Variants in CDC37L1 observed in about 807,000 individuals in gnomAD.
The protein encoded by CDC37L1 is hsp90 co-chaperone Cdc37-like 1.
A neutral mutation model predicts 45.9 loss-of-function variants in CDC37L1; 32 were observed. The observed-to-expected ratio is 0.70, with a 90% CI of 0.53 to 0.94. The LOEUF is 0.94. Ranked by LOEUF, CDC37L1 falls within the 40% of genes least tolerant of loss-of-function variation. The pLI is 0.00. For missense variants in CDC37L1, 434 were observed against 405.7 expected, an observed-to-expected ratio of 1.07 and a Z score of -0.60; for synonymous variants, 150 against 133.0, an observed-to-expected ratio of 1.13 and a Z score of -0.88.
intron 3 of CDC37L1, among the ~76,000 whole-genome samples, chr9:4,690,900 A>G (rs922352216): frequency 3.3e-5 from 5 of 152,254 alleles, no homozygotes; most frequent in African/African-American, 4.8e-5. Context: ...ATATATCTTA[A>G]CAAGAGACCT....
At chr9:4,680,990 C>A (rs935194309) in intron 1 of CDC37L1, among the ~76,000 whole-genome samples, 1 of 152,112 alleles carries the variant, frequency 6.6e-6, no homozygotes, top group African/African-American at 2.4e-5. Context: ...AGCTAAGTCA[C>A]TGGGGAACTA....
chr9:4,682,317 T>G (rs904456461), intron 1 of CDC37L1, among the ~76,000 whole-genome samples: 11 of 145,910 alleles, frequency 7.5e-5, no homozygotes, highest in African/African-American at 2.8e-4. Flanking sequence ...TGCCCACCAC[T>G]GTGCCCAGCT....
At chr9:4,683,212 A>C (rs1587614908) in intron 1 of CDC37L1, among the ~76,000 whole-genome samples, 1 of 150,724 alleles carries the variant, frequency 6.6e-6, no homozygotes, top group Non-Finnish European at 1.5e-5. Context: ...TGAATGAGTA[A>C]ATAAAACATC....
chr9:4,697,966 A>C, intron 5 of CDC37L1, 87 bp downstream of exon 5: 2 of 1,195,770 alleles, frequency 1.7e-6, no homozygotes, highest in Non-Finnish European at 2.4e-6. Context: ...GAAGGCATCC[A>C]AGCAGGATGC....
chr9:4,690,560 T>C (rs1408217754), intron 3 of CDC37L1, among the ~76,000 whole-genome samples: 2 of 152,208 alleles, frequency 1.3e-5, no homozygotes, highest in Non-Finnish European at 2.9e-5. Flanking sequence ...CCTGAATTTA[T>C]GAAACTATTG....
At chr9:4,688,405 A>G (rs1283084338) in intron 2 of CDC37L1, 108 bp from the exon 3 acceptor site, 23 of 616,634 alleles carry the variant, frequency 3.7e-5, no homozygotes, top group Admixed American at 1.2e-4. Context: ...GTATGATACT[A>G]TACCACATAT....
intron 5 of CDC37L1, among the ~76,000 whole-genome samples, 156 bp from the exon 6 acceptor site, chr9:4,701,708 T>C (rs1165690915): frequency 6.6e-6 from 1 of 152,216 alleles, no homozygotes; most frequent in African/African-American, 2.4e-5. Context: ...CAGGTAGTTT[T>C]CACAAATGTG....
At chr9:4,683,530 G>C (rs1448773397) in intron 1 of CDC37L1, among the ~76,000 whole-genome samples, 1 of 151,990 alleles carries the variant, frequency 6.6e-6, no homozygotes, top group African/African-American at 2.4e-5. Flanking sequence ...GGAAAGGGAA[G>C]AATAAGCAAA....
chr9:4,693,169 A>C (rs1020171296), intron 3 of CDC37L1, among the ~76,000 whole-genome samples: 1 of 151,952 alleles, frequency 6.6e-6, no homozygotes, highest in Non-Finnish European at 1.5e-5. Context: ...TAAGCCTGGC[A>C]TAGTGGTTCT....
At chr9:4,699,429 T>C (rs1841377888) in intron 5 of CDC37L1, among the ~76,000 whole-genome samples, 2 of 152,340 alleles carry the variant, frequency 1.3e-5, no homozygotes, top group South Asian at 2.1e-4. Context: ...ATATTCAACC[T>C]GTATATTCAT....
intron 5 of CDC37L1, among the ~76,000 whole-genome samples, chr9:4,701,244 GC>G (rs1481621874): frequency 6.6e-6 from 1 of 152,134 alleles, no homozygotes; most frequent in Non-Finnish European, 1.5e-5. Context: ...ATAGGGAGTT[GC>G]CTAAGAGTTC....
chr9:4,689,392 T>C (rs1342015965), intron 3 of CDC37L1, among the ~76,000 whole-genome samples: 1 of 152,144 alleles, frequency 6.6e-6, no homozygotes, highest in East Asian at 1.9e-4. Context: ...AATATGTTCA[T>C]GAACTTTTTA....
Position 4,685,092 on chromosome 9 carries a change from T to G in CDC37L1, c.348T>G (p.Ala116=). 6.2e-7 allele frequency: 1 copy of G among 1,613,638 alleles called. No homozygotes were observed. Among genetic ancestry groups the G allele is most frequent in the Admixed American group, 1.7e-5 (1 of 60,006 alleles). ...AAGAGTGGCGACAGAAAGAAGAAGC[T>G]CTAGTACAAAGAGAGAAGATGTGTC... is the stretch of plus-strand genomic sequence containing the variant. ...REEEWRQKEE[A]LVQREKMCLW... The change falls in exon 2 of 7, where the codon GCT becomes GCG. Residue 116 remains alanine (A), a synonymous_variant. Coordinates refer to ENST00000381854, the MANE Select transcript of CDC37L1 (RefSeq NM_017913.4).
intron 5 of CDC37L1, among the ~76,000 whole-genome samples, chr9:4,701,220 A>G (rs956219044): frequency 6.6e-6 from 1 of 152,254 alleles, no homozygotes; most frequent in Non-Finnish European, 1.5e-5. Context: ...AAACATAAAC[A>G]GAGGCAGCTG....
chr9:4,697,174 A>G lies in CDC37L1; in HGVS notation c.587A>G (p.Tyr196Cys). 1 of 1,581,676 alleles carries G rather than the reference A, an allele frequency of 6.3e-7. No individual in the cohort carries two copies. Reference sequence around the variant, plus strand: ...CTTGTATGTGAAGAAACTGCTAAATATCTTATTTTATGGTGTTTTCACCTG... The same window carrying G: ...CTTGTATGTGAAGAAACTGCTAAATGTCTTATTTTATGGTGTTTTCACCTG... The part of the protein sequence containing the change: ...PYLVCEETAK[Y>C]LILWCFHLEA... Residue 196 changes from tyrosine to cysteine, a missense_variant, in exon 4 of 7, where the codon TAT (tyrosine) becomes TGT (cysteine). By Grantham distance (194) the Tyr-to-Cys change is radical. Transcript: ENST00000381854.
chr9:4,688,278 G>A lies in CDC37L1; in HGVS notation c.415-235G>A, dbSNP rs1183135501. On this transcript the variant is annotated intron_variant, in intron 2 of 6. Coordinates refer to ENST00000381854, the MANE Select transcript of CDC37L1 (RefSeq NM_017913.4). ...CTCCCAAAGTGCTGGGATTACAGGC[G>A]TGAGCCACCACACCCGGCCTCATAC... Among the ~76,000 whole-genome samples the A allele has an allele frequency of 3.3e-5, 5 of 152,290 alleles. No individual in the cohort carries two copies. The East Asian group carries it at 9.7e-4, about 29-fold the overall frequency.
rs901831129 is a variant in CDC37L1 at position 4,688,950 on chromosome 9, G to C, written c.508+344G>C. 1.4e-4 allele frequency among the ~76,000 whole-genome samples: 22 copies of C among 151,788 alleles called. No homozygotes were observed. In the Middle Eastern group the frequency reaches 0.014, roughly 94 times the overall value. On this transcript the variant is annotated intron_variant, in intron 3 of 6. Coordinates refer to ENST00000381854, the MANE Select transcript of CDC37L1 (RefSeq NM_017913.4). ...CTTCCTTGGAATCTGATTATCTTAT[G>C]TTTTAAAGATTATTCATTTTTTTTC...
chr9:4,680,043 G>C, intron 1 of CDC37L1, 144 bp downstream of exon 1: 2 of 1,057,158 alleles, frequency 1.9e-6, no homozygotes, highest in Non-Finnish European at 2.7e-6. Flanking sequence ...CCTGACGCCT[G>C]ATGCCATCCC....
At position 4,706,079 on chromosome 9, in the gene CDC37L1, A is replaced by G; in HGVS notation, c.981A>G (p.Glu327=). Residue 327 remains glutamate, a synonymous_variant, in exon 7 of 7, where the codon GAA becomes GAG. Transcript: ENST00000381854. ...GCTTAAACTCGGTGGTACATAAAGA[A>G]GATGATGAACCCAAAATGATGGACA... ...LCSLNSVVHK[E]DDEPKMMDTV is the part of the protein sequence containing the mutation. The G allele has an allele frequency of 6.2e-7, 1 of 1,601,450 alleles. No individual in the cohort carries two copies.
Sources: gnomAD v4.1 joint callset for allele counts (sites outside exome capture counted in the v4.1 genomes callset) on GRCh38, gnomAD v4.1.1 for gene constraint, MANE v1.5 for transcripts, NCBI Gene and HGNC (gene_info 2026-07-23, HGNC 2026-07-21) for gene names.